The following SAMMSON variants were observed in gnomAD, a reference collection of about 807,000 sequenced individuals.
The protein encoded by SAMMSON is survival associated mitochondrial melanoma specific oncogenic non-coding RNA, also known as long intergenic non-protein coding RNA 1212.
intron 4 of SAMMSON, chr3:70,204,537 C>G (rs1000309339): frequency 1.3e-5 from 2 of 152,122 alleles, no homozygotes; most frequent in Middle Eastern, 3.2e-3. Flanking sequence ...AGGAAAAGGA[C>G]AAGTGGACTA....
intron 7 of SAMMSON, among the ~76,000 whole-genome samples, chr3:70,310,764 G>A (rs1263921433): frequency 1.3e-5 from 2 of 152,168 alleles, no homozygotes; most frequent in East Asian, 3.8e-4. Context: ...TTTCAACACT[G>A]TAGGAAAACA....
At chr3:70,015,482 T>C (rs756036626) in intron 3 of SAMMSON, among the ~76,000 whole-genome samples, 1 of 152,120 alleles carries the variant, frequency 6.6e-6, no homozygotes, top group Non-Finnish European at 1.5e-5. Flanking sequence ...TCTTTGGTAA[T>C]TGAGACATTA....
chr3:70,251,156 A>G (rs775096308), intron 6 of SAMMSON, among the ~76,000 whole-genome samples: 5 of 152,202 alleles, frequency 3.3e-5, no homozygotes, highest in Non-Finnish European at 7.3e-5. Context: ...AGAAATTGCA[A>G]AAAGGTGGTT....
intron 4 of SAMMSON, among the ~76,000 whole-genome samples, chr3:70,168,641 A>T (rs571617604): frequency 6.2e-4 from 95 of 152,150 alleles, no homozygotes; most frequent in African/African-American, 2.2e-3. Context: ...TTGGTAGCCA[A>T]CATCAGCACT....
At chr3:70,268,325 A>G (rs1278923254) in intron 6 of SAMMSON, among the ~76,000 whole-genome samples, 1 of 152,120 alleles carries the variant, frequency 6.6e-6, no homozygotes, top group Non-Finnish European at 1.5e-5. Flanking sequence ...AATACAAAAA[A>G]TTAGCCAGGC....
chr3:70,075,749 C>G (rs778406163), intron 4 of SAMMSON, among the ~76,000 whole-genome samples: 9 of 152,088 alleles, frequency 5.9e-5, no homozygotes, highest in Non-Finnish European at 1.2e-4. Flanking sequence ...GGATTTCAGA[C>G]AAACTCATAG....
intron 9 of SAMMSON, among the ~76,000 whole-genome samples, chr3:70,363,698 G>A (rs943892637): frequency 6.6e-6 from 1 of 151,848 alleles, no homozygotes; most frequent in African/African-American, 2.4e-5. Context: ...AATTTGCAAT[G>A]TCACTAGCAC....
chr3:70,280,977 C>T (rs1702077325), intron 6 of SAMMSON, among the ~76,000 whole-genome samples: 1 of 152,188 alleles, frequency 6.6e-6, no homozygotes, highest in African/African-American at 2.4e-5. Flanking sequence ...TTCTACACAG[C>T]TGTACATAGT....
chr3:70,323,138 T>C (rs1339699243), intron 7 of SAMMSON, among the ~76,000 whole-genome samples: 1 of 152,114 alleles, frequency 6.6e-6, no homozygotes, highest in East Asian at 1.9e-4. Context: ...TTCTCTTGAA[T>C]TGTGAATCTC....
intron 3 of SAMMSON, among the ~76,000 whole-genome samples, chr3:70,066,892 G>A (rs546989694): frequency 2.0e-5 from 3 of 152,176 alleles, no homozygotes; most frequent in African/African-American, 7.2e-5. Flanking sequence ...TCCATCTGCC[G>A]AATGTTAAAT....
At chr3:70,304,352 T>C (rs1163912131) in intron 7 of SAMMSON, among the ~76,000 whole-genome samples, 2 of 152,222 alleles carry the variant, frequency 1.3e-5, no homozygotes, top group Non-Finnish European at 2.9e-5. Context: ...AAGACTTCTC[T>C]TGTCCACATT....
chr3:70,203,322 G>A (rs948649638), intron 4 of SAMMSON, among the ~76,000 whole-genome samples: 1 of 151,984 alleles, frequency 6.6e-6, no homozygotes, highest in African/African-American at 2.4e-5. Context: ...TGTAAAAATC[G>A]GTTCCCACTC....
intron 6 of SAMMSON, among the ~76,000 whole-genome samples, chr3:70,257,147 A>G (rs1701824497): frequency 6.6e-6 from 1 of 152,204 alleles, no homozygotes. Context: ...TTGATAATAC[A>G]TGTCATGATT....
At chr3:70,269,197 A>T (rs1306720802) in intron 6 of SAMMSON, among the ~76,000 whole-genome samples, 2 of 152,218 alleles carry the variant, frequency 1.3e-5, no homozygotes, top group Non-Finnish European at 2.9e-5. Context: ...ATATTCACAT[A>T]CAATACTCAT....
intron 6 of SAMMSON, among the ~76,000 whole-genome samples, chr3:70,290,164 T>C (rs1173871648): frequency 2.6e-5 from 4 of 152,144 alleles, no homozygotes; most frequent in African/African-American, 9.7e-5. Flanking sequence ...AGTTTTTCTG[T>C]TCTGTTTTTT....
At chr3:70,392,990 A>G (rs1049969931), downstream of SAMMSON, among the ~76,000 whole-genome samples, 3 of 152,164 alleles carry the variant, frequency 2.0e-5, no homozygotes, top group Non-Finnish European at 2.9e-5. Context: ...GGGATCTCCA[A>G]TGAATATTTT....
chr3:70,420,126 G>T (rs1701299671), intron 2 of SAMMSON, among the ~76,000 whole-genome samples: 1 of 152,180 alleles, frequency 6.6e-6, no homozygotes, highest in Non-Finnish European at 1.5e-5. Flanking sequence ...CATGTCCTTG[G>T]ATAGTAGAGG....
intron 2 of SAMMSON, among the ~76,000 whole-genome samples, chr3:70,414,020 T>C (rs894082517): frequency 1.3e-5 from 2 of 152,146 alleles, no homozygotes; most frequent in African/African-American, 2.4e-5. Flanking sequence ...TGTAGTCTTT[T>C]GTAGAAAAGA....
chr3:70,318,493 TA>T (rs1294289079), intron 7 of SAMMSON, among the ~76,000 whole-genome samples: 1 of 151,978 alleles, frequency 6.6e-6, no homozygotes, highest in Admixed American at 6.6e-5. Flanking sequence ...TGTGTGTGTG[TA>T]GTTCTTACTT....
Sources: gnomAD v4.1 joint callset for allele counts (sites outside exome capture counted in the v4.1 genomes callset) on GRCh38, gnomAD v4.1.1 for gene constraint, MANE v1.5 for transcripts, NCBI Gene and HGNC (gene_info 2026-07-23, HGNC 2026-07-21) for gene names.